PACS1: variants seen among roughly 807,000 people sequenced by gnomAD.
The protein encoded by PACS1 is phosphofurin acidic cluster sorting protein 1.
Under a neutral mutation model 115.0 loss-of-function variants are expected in PACS1, and 24 were observed. The ratio of observed to expected loss-of-function variants is 0.21; its 90% confidence interval spans 0.15 to 0.29. The LOEUF (loss-of-function observed/expected upper bound fraction) is 0.29. Among genes scored for constraint, PACS1 ranks in the 10% least tolerant of loss-of-function variants. The pLI is 1.00. For synonymous variants in PACS1, 453 were observed against 504.5 expected (o/e 0.90, Z 1.37); for missense variants, 838 against 1,251.2 (o/e 0.67, Z 4.98).
chr11:66,123,590 C>T (rs993333305), intron 1 of PACS1, among the ~76,000 whole-genome samples: 9 of 151,496 alleles, frequency 5.9e-5, no homozygotes, highest in Admixed American at 3.9e-4. Flanking sequence ...GGCGTGATCT[C>T]GGCTCACTGC....
intron 14 of PACS1, among the ~76,000 whole-genome samples, chr11:66,232,753 A>G (rs1216221614): frequency 6.7e-6 from 1 of 149,942 alleles, no homozygotes; most frequent in Non-Finnish European, 1.5e-5. Context: ...AAGGCTTCCC[A>G]TCTCTCACAC....
intron 5 of PACS1, 81 bp from the exon 6 acceptor site, chr11:66,216,439 A>T: frequency 6.9e-7 from 1 of 1,451,142 alleles, no homozygotes; most frequent in Non-Finnish European, 9.7e-7. Flanking sequence ...ACCCAAAGAG[A>T]ACCATTGATT....
chr11:66,221,273 G>C, intron 10 of PACS1, 26 bp downstream of exon 10: 1 of 1,594,706 alleles, frequency 6.3e-7, no homozygotes, highest in Non-Finnish European at 8.6e-7. Flanking sequence ...ACTGCGGGGC[G>C]GGGTGGGACC....
chr11:66,137,292 T>C (rs1858868859), intron 1 of PACS1, among the ~76,000 whole-genome samples: 1 of 152,102 alleles, frequency 6.6e-6, no homozygotes, highest in South Asian at 2.1e-4. Context: ...TTAAATCTTT[T>C]ATGCATCTAG....
chr11:66,095,905 A>T (rs1480212833), intron 1 of PACS1, among the ~76,000 whole-genome samples: 2 of 150,766 alleles, frequency 1.3e-5, no homozygotes, highest in Non-Finnish European at 3.0e-5. Flanking sequence ...CAGCACCCAC[A>T]TTTTCCCAAT....
In PACS1 at chr11:66,233,894, A is replaced by C. The variant is rs766590737; in HGVS notation, c.1948A>C (p.Thr650Pro). 2.5e-6 allele frequency: 4 copies of C among 1,595,086 alleles called. No individual in the cohort carries two copies. Among genetic ancestry groups the C allele is most frequent in the Non-Finnish European group, 3.4e-6 (4 of 1,169,832 alleles). Residue 650 changes from threonine (T) to proline (P), a missense_variant, in exon 16 of 24, where the codon ACC (threonine) becomes CCC (proline). Transcript: ENST00000320580. This position sits in a 1 kb window ranked among gnomAD's most constrained non-coding sequence, Gnocchi z 4.5. ...RFFVKSLANK[T>P]SDWLGYMRFL... ...CTTTGTCAAGTCCCTGGCCAACAAG[A>C]CCTCCGACTGGCTTGGCTACATGCG... is the stretch of plus-strand genomic sequence containing the variant.
intron 1 of PACS1, among the ~76,000 whole-genome samples, chr11:66,174,920 G>A (rs750335575): frequency 2.6e-5 from 4 of 152,188 alleles, no homozygotes; most frequent in Non-Finnish European, 4.4e-5. Context: ...GGAGGCCTAG[G>A]CGGGTGGATC....
chr11:66,169,404 A>C (rs1262630803), intron 1 of PACS1, among the ~76,000 whole-genome samples: 1 of 139,378 alleles, frequency 7.2e-6, no homozygotes, highest in Non-Finnish European at 1.5e-5. Context: ...CTGGTTCATT[A>C]CTTTTTTTTT....
chr11:66,095,132 G>A (rs1857750256), intron 1 of PACS1, among the ~76,000 whole-genome samples: 1 of 150,654 alleles, frequency 6.6e-6, no homozygotes, highest in Non-Finnish European at 1.5e-5. Flanking sequence ...TTTGAAAACT[G>A]GCATAAGACA....
At chr11:66,229,585 A>G (rs950565420) in intron 11 of PACS1, among the ~76,000 whole-genome samples, 7 of 152,082 alleles carry the variant, frequency 4.6e-5, no homozygotes, top group Non-Finnish European at 7.4e-5. Flanking sequence ...AGGCTGAGGC[A>G]GGAGAATGGC....
rs1353113399 is a variant in PACS1 at position 66,233,655 on chromosome 11, G to C, written c.1839-130G>C. 5.7e-5 allele frequency: 48 copies of C among 845,236 alleles called. No homozygotes were observed. The highest frequency in any genetic ancestry group is 8.7e-5 in the Non-Finnish European group (48 of 549,072). The allele number at this position is 845,236 out of a possible 1,614,324, so 52.4% of individuals were successfully genotyped here. A position where few individuals can be genotyped will look rare whatever the true frequency, so the allele number is the denominator to read the frequency against. ...GCTTATTCCCTGTATGATCCTCTCT[G>C]TTTTATTTTGTGGATTGGTTTGCTT... is the stretch of plus-strand genomic sequence containing the variant. On this transcript the variant is annotated intron_variant, in intron 15 of 23. Transcript: ENST00000320580. This position sits in a 1 kb window ranked among gnomAD's most constrained non-coding sequence, Gnocchi z 4.5.
At chr11:66,118,564 A>T (rs550956758) in intron 1 of PACS1, among the ~76,000 whole-genome samples, 1 of 152,192 alleles carries the variant, frequency 6.6e-6, no homozygotes, top group African/African-American at 2.4e-5. Flanking sequence ...GTGAGCCATG[A>T]TTGTGCCACT....
intron 1 of PACS1, among the ~76,000 whole-genome samples, chr11:66,132,428 T>G (rs1590766166): frequency 1.3e-5 from 2 of 152,150 alleles, no homozygotes; most frequent in African/African-American, 4.8e-5. Flanking sequence ...GAAAACGGAT[T>G]AATACAGATA....
intron 2 of PACS1, among the ~76,000 whole-genome samples, chr11:66,207,341 C>T (rs574703327): frequency 1.3e-5 from 2 of 152,260 alleles, no homozygotes; most frequent in African/African-American, 2.4e-5. Context: ...ATGGCACTCA[C>T]CTGTAATCCC....
Position 66,220,789 on chromosome 11 carries a change from C to G in PACS1, c.1197C>G (p.Leu399=), listed in dbSNP as rs1468444473. 31 of 1,613,532 alleles carry G rather than the reference C, an allele frequency of 1.9e-5. No homozygotes were observed. Among genetic ancestry groups the G allele is most frequent in the Non-Finnish European group, 2.5e-5 (30 of 1,179,800 alleles). Residue 399 remains leucine (L), a splice_region_variant and synonymous_variant, in exon 9 of 24, where the codon CTC becomes CTG. Transcript: ENST00000320580. The part of the protein sequence containing the change: ...ESILSTPKPK[L]KPFFEGMSQS... ...TCCTCAGCACGCCAAAGCCCAAGCT[C>G]AAGTGAGCCCCCCTCTCTGTAGCTG...
chr11:66,147,121 C>T (rs1357412145), intron 1 of PACS1, among the ~76,000 whole-genome samples: 1 of 152,068 alleles, frequency 6.6e-6, no homozygotes, highest in African/African-American at 2.4e-5. Context: ...AAGATAACTC[C>T]TCAAGTTTTT....
chr11:66,230,363 G>T (rs1430161116), intron 11 of PACS1, 185 bp from the exon 12 acceptor site: 1 of 595,144 alleles, frequency 1.7e-6, no homozygotes, highest in Non-Finnish European at 3.0e-6. Flanking sequence ...GGTGTACTCA[G>T]TCACCCGTGA....
rs11227405 is a variant in PACS1 at position 66,096,653 on chromosome 11, G to A, written c.356+25811G>A. Among the ~76,000 whole-genome samples the A allele has an allele frequency of 8.9e-3, 1,344 of 151,840 alleles. 87 individuals are homozygous for A. In the East Asian group the frequency reaches 0.17, roughly 19 times the overall value. ...CTTGTAGCTGGGATTACAGGCATGCGCCACCATGCCTGGCTAATTTTTTTT... is the reference window on the plus strand; with the variant it reads ...CTTGTAGCTGGGATTACAGGCATGCACCACCATGCCTGGCTAATTTTTTTT... On this transcript the variant is annotated intron_variant, in intron 1 of 23. Coordinates refer to ENST00000320580, the MANE Select transcript of PACS1 (RefSeq NM_018026.4).
chr11:66,193,759 G>T (rs1015560685), intron 2 of PACS1, among the ~76,000 whole-genome samples, 186 bp downstream of exon 2: 1 of 152,202 alleles, frequency 6.6e-6, no homozygotes, highest in South Asian at 2.1e-4. Context: ...CTTGGTTAGG[G>T]CACTCAGTTT....
Sources: allele counts gnomAD v4.1 joint callset (sites outside exome capture counted in the v4.1 genomes callset), GRCh38; gene constraint gnomAD v4.1.1; non-coding constraint Gnocchi (gnomAD v3.1); transcripts MANE v1.5; gene names NCBI Gene and HGNC (gene_info 2026-07-23, HGNC 2026-07-21).